Variants in VSIR observed in about 807,000 individuals in gnomAD.
VSIR encodes the protein V-set immunoregulatory receptor.
VSIR carries 10 observed loss-of-function variants against 31.0 expected under a neutral mutation model. The observed-to-expected ratio is 0.32, with a 90% CI of 0.20 to 0.55. VSIR has a LOEUF of 0.55. VSIR is among the 20% of genes least tolerant of loss of function. The pLI, the probability that VSIR is intolerant of heterozygous loss-of-function variation, is 0.93. For missense variants in VSIR, 356 were observed against 416.2 expected (o/e 0.86, Z 1.26); for synonymous variants, 179 against 180.1 (o/e 0.99, Z 0.05).
chr10:71,753,097 G>A (rs1002451725), intron 4 of VSIR, 95 bp from the exon 5 acceptor site: 7 of 1,477,184 alleles, frequency 4.7e-6, no homozygotes, highest in Admixed American at 2.0e-5. Flanking sequence ...CAGGGAACAG[G>A]AGCGAGCCCA....
intron 4 of VSIR, among the ~76,000 whole-genome samples, 165 bp from the exon 5 acceptor site, chr10:71,753,167 G>A (rs931225458): frequency 1.3e-5 from 2 of 152,058 alleles, no homozygotes; most frequent in Admixed American, 6.5e-5. Context: ...TCCAGCAAGC[G>A]ATCTGCGTGT....
intron 4 of VSIR, among the ~76,000 whole-genome samples, chr10:71,753,437 G>A (rs532964169): frequency 5.3e-5 from 8 of 152,336 alleles, no homozygotes; most frequent in Non-Finnish European, 1.0e-4. Context: ...ATGACTTACT[G>A]GGTGGGAGTG....
chr10:71,773,510 C>T lies in VSIR; in HGVS notation c.-71G>A, dbSNP rs760838403. Reference sequence around the variant, plus strand: ...CGGGACGCGGCCGGCGCGGGGAAGCCTCCCGCGACTGAGTGCGAGCGAGTG... The same window carrying T: ...CGGGACGCGGCCGGCGCGGGGAAGCTTCCCGCGACTGAGTGCGAGCGAGTG... On this transcript the variant is annotated 5_prime_UTR_variant, in exon 1 of 7. Transcript: ENST00000394957. The T allele has an allele frequency of 1.4e-6, 2 of 1,442,816 alleles. No homozygotes were observed. The highest frequency in any genetic ancestry group is 1.2e-5 in the South Asian group (1 of 81,450). The allele number at this position is 1,442,816 out of a possible 1,614,324, so 89.4% of individuals were successfully genotyped here.
At chr10:71,759,875 A>ACG (rs1840265266) in intron 3 of VSIR, among the ~76,000 whole-genome samples, 1 of 67,976 alleles carries the variant, frequency 1.5e-5, no homozygotes, top group Non-Finnish European at 3.8e-5. Flanking sequence ...ATATATATAC[A>ACG]CACACACACA....
Position 71,751,707 on chromosome 10 carries a change from A to T in VSIR, c.859T>A (p.Ser287Thr), listed in dbSNP as rs774690287. The part of the protein sequence containing the change: ...HLLSEPSTPL[S>T]PPGPGDVFFP... ...AAGACGTCTCCGGGGCCTGGAGGAG[A>T]CAGGGGGGTGCTGGGCTCCGAAAGC... Residue 287 changes from serine (S) to threonine (T), a missense_variant, in exon 6 of 7, where the codon TCT becomes ACT. Physicochemically the swap from Ser to Thr is moderately conservative, Grantham distance 58. Transcript: ENST00000394957. The surrounding 1 kb of genome is among the most constrained non-coding windows in gnomAD (Gnocchi z 4.9). 6.4e-7 allele frequency: 1 copy of T among 1,564,196 alleles called. No homozygotes were observed. The highest frequency in any genetic ancestry group is 8.6e-7 in the Non-Finnish European group (1 of 1,157,844).
intron 3 of VSIR, chr10:71,760,597 G>A: frequency 2.4e-6 from 1 of 417,110 alleles, no homozygotes; most frequent in Non-Finnish European, 4.4e-6. Flanking sequence ...CTGTCATGAG[G>A]CACTTGCCCT....
intron 4 of VSIR, chr10:71,753,743 G>T (rs1840064219): frequency 4.4e-6 from 2 of 456,230 alleles, no homozygotes; most frequent in African/African-American, 4.0e-5. Flanking sequence ...GTTTTAAGGA[G>T]ATTTACTGCT....
chr10:71,757,916 A>T (rs1825502317), intron 3 of VSIR, among the ~76,000 whole-genome samples: 1 of 152,188 alleles, frequency 6.6e-6, no homozygotes, highest in South Asian at 2.1e-4. Context: ...ACAGCCCCTC[A>T]GCAATGCAGG....
In VSIR at chr10:71,751,239, G is replaced by A; in HGVS notation, c.*14C>T. 6.2e-7 allele frequency: 1 copy of A among 1,605,746 alleles called. No individual in the cohort carries two copies. The highest frequency in any genetic ancestry group is 8.5e-7 in the Non-Finnish European group (1 of 1,175,510). On this transcript the variant is annotated 3_prime_UTR_variant, in exon 7 of 7. Coordinates refer to ENST00000394957, the MANE Select transcript of VSIR (RefSeq NM_022153.2). This position sits in a 1 kb window ranked among gnomAD's most constrained non-coding sequence, Gnocchi z 4.9. Reference sequence around the variant, plus strand: ...CCAGACCCAGCCACAACAGCCCACTGTCCCCCAGCTGGGCTAGATGACCTC... The same window carrying A: ...CCAGACCCAGCCACAACAGCCCACTATCCCCCAGCTGGGCTAGATGACCTC...
At chr10:71,767,216 C>A (rs1379337613) in intron 1 of VSIR, among the ~76,000 whole-genome samples, 1 of 152,246 alleles carries the variant, frequency 6.6e-6, no homozygotes, top group African/African-American at 2.4e-5. Flanking sequence ...ACCCAGCAGG[C>A]CCCGGGTGAC....
intron 3 of VSIR, among the ~76,000 whole-genome samples, chr10:71,759,058 A>G (rs7070423): frequency 0.15 from 22,674 of 148,358 alleles, 1,899 homozygotes; most frequent in South Asian, 0.25. Flanking sequence ...TTTTTTTTTG[A>G]GATGGAGTCT....
chr10:71,767,314 G>A (rs573123010), intron 1 of VSIR, among the ~76,000 whole-genome samples: 7 of 152,314 alleles, frequency 4.6e-5, no homozygotes, highest in South Asian at 2.1e-4. Flanking sequence ...GCCCACAGTC[G>A]CCAAGGCAAC....
intron 1 of VSIR, among the ~76,000 whole-genome samples, chr10:71,763,123 C>T (rs963468603): frequency 2.0e-5 from 3 of 152,220 alleles, no homozygotes; most frequent in Non-Finnish European, 4.4e-5. Flanking sequence ...CTAATGCCCT[C>T]TGCAGACATC....
At chr10:71,764,922 C>G (rs1463916433) in intron 1 of VSIR, among the ~76,000 whole-genome samples, 1 of 152,242 alleles carries the variant, frequency 6.6e-6, no homozygotes, top group African/African-American at 2.4e-5. Flanking sequence ...TGCCCTTACC[C>G]CTGCAGCAGG....
chr10:71,751,406 C>T lies in VSIR; in HGVS notation c.899-116G>A. ...TGAATGGGGGCCCCTCTGTCCCTCA[C>T]CCTCAACCCCACCCCGTGAGGCCGT... On this transcript the variant is annotated intron_variant, in intron 6 of 6. Transcript: ENST00000394957. This position sits in a 1 kb window ranked among gnomAD's most constrained non-coding sequence, Gnocchi z 4.9. 3.9e-6 allele frequency: 2 copies of T among 516,388 alleles called. No individual in the cohort carries two copies. Among genetic ancestry groups the T allele is most frequent in the South Asian group, 4.9e-5 (2 of 41,096 alleles). 32.0% of individuals were successfully genotyped at this position (516,388 alleles called of 1,614,324 possible). A position where few individuals can be genotyped will look rare whatever the true frequency, so the allele number is the denominator to read the frequency against.
At chr10:71,754,613 G>T (rs960441983) in intron 4 of VSIR, among the ~76,000 whole-genome samples, 1 of 152,158 alleles carries the variant, frequency 6.6e-6, no homozygotes, top group African/African-American at 2.4e-5. Context: ...TTGTGCCCAT[G>T]ACTTAAAGCC....
chr10:71,762,413 C>T (rs1840419400), intron 1 of VSIR, among the ~76,000 whole-genome samples: 1 of 152,234 alleles, frequency 6.6e-6, no homozygotes. Flanking sequence ...CTGTAGGGGC[C>T]ATCAACACCT....
At chr10:71,769,664 T>C in intron 1 of VSIR, among the ~76,000 whole-genome samples, 1 of 152,142 alleles carries the variant, frequency 6.6e-6, no homozygotes, top group East Asian at 1.9e-4. Flanking sequence ...GAAGTGTGTG[T>C]TTGTGTTCCC....
At chr10:71,759,787 G>A (rs1393978658) in intron 3 of VSIR, among the ~76,000 whole-genome samples, 1 of 149,984 alleles carries the variant, frequency 6.7e-6, no homozygotes, top group Non-Finnish European at 1.5e-5. Flanking sequence ...ACTCCAGCCT[G>A]GGTAACAGAG....
Sources: gnomAD v4.1 joint callset for allele counts (sites outside exome capture counted in the v4.1 genomes callset) on GRCh38, gnomAD v4.1.1 for gene constraint, Gnocchi (gnomAD v3.1) non-coding constraint, MANE v1.5 for transcripts, NCBI Gene and HGNC (gene_info 2026-07-23, HGNC 2026-07-21) for gene names.